FSD2: variants seen among roughly 807,000 people sequenced by gnomAD.
FSD2 encodes fibronectin type III and SPRY domain-containing protein 2.
In FSD2, 71 loss-of-function variants were observed where a neutral mutation model predicts 80.4. The observed-to-expected ratio is 0.88, with a 90% CI of 0.73 to 1.08. The LOEUF (loss-of-function observed/expected upper bound fraction) is 1.08. FSD2 is among the 50% of genes least tolerant of loss of function. FSD2 has a pLI of 0.00. For synonymous variants in FSD2, 361 were observed against 329.5 expected (o/e 1.10, Z -1.03); for missense variants, 923 against 913.8 (o/e 1.01, Z -0.13).
chr15:82,763,511 T>C (rs1002733083), intron 11 of FSD2, among the ~76,000 whole-genome samples: 6 of 152,322 alleles, frequency 3.9e-5, no homozygotes, highest in African/African-American at 1.4e-4. Context: ...ACTCTATAAA[T>C]ATGGCAATAT....
At chr15:82,782,574 C>A (rs146518160) in intron 4 of FSD2, among the ~76,000 whole-genome samples, 1 of 152,132 alleles carries the variant, frequency 6.6e-6, no homozygotes, top group East Asian at 1.9e-4. Context: ...GCTGTGAGTC[C>A]GCCTGGCCAC....
intron 1 of FSD2, among the ~76,000 whole-genome samples, chr15:82,797,847 T>G (rs2050315032): frequency 1.3e-5 from 2 of 151,956 alleles, no homozygotes; most frequent in African/African-American, 4.8e-5. Flanking sequence ...TTACCAAAAT[T>G]TGTAATATGT....
intron 3 of FSD2, among the ~76,000 whole-genome samples, chr15:82,784,257 T>TTA (rs1416382521): frequency 2.9e-5 from 4 of 137,844 alleles, no homozygotes; most frequent in African/African-American, 1.1e-4. Flanking sequence ...TTTATTTTAT[T>TTA]TTTTTTTTAT....
In FSD2 at chr15:82,759,567, AGTT is replaced by A; in HGVS notation, c.2028_2030del (p.Thr677del). On this transcript the variant is annotated inframe_deletion, in exon 13 of 13. Coordinates refer to ENST00000334574, the MANE Select transcript of FSD2 (RefSeq NM_001007122.4). ...GTGGAACTGTTATTCTTATATCTGG[AGTT>A]GTTCTGTTGTGCAGAAATTCATACT... The A allele has an allele frequency of 2.5e-6, 4 of 1,599,728 alleles. No homozygotes were observed. Among genetic ancestry groups the A allele is most frequent in the Non-Finnish European group, 3.4e-6 (4 of 1,172,106 alleles).
chr15:82,799,097 C>G (rs2050349747), intron 1 of FSD2, among the ~76,000 whole-genome samples: 2 of 152,104 alleles, frequency 1.3e-5, no homozygotes, highest in Non-Finnish European at 2.9e-5. Flanking sequence ...AGGCTGGTCT[C>G]AAACTCCTGC....
chr15:82,767,205 GA>G (rs1229979832), intron 9 of FSD2, among the ~76,000 whole-genome samples: 1 of 152,228 alleles, frequency 6.6e-6, no homozygotes, highest in African/African-American at 2.4e-5. Context: ...TCACTGGAAG[GA>G]ATGTAAGATG....
chr15:82,759,933 A>ACAGG (rs1442646690), intron 12 of FSD2, among the ~76,000 whole-genome samples: 2 of 151,692 alleles, frequency 1.3e-5, no homozygotes, highest in East Asian at 1.9e-4. Context: ...AGCTGGGATT[A>ACAGG]CAGGCGTGCA....
intron 4 of FSD2, among the ~76,000 whole-genome samples, chr15:82,780,880 A>C (rs2049840071): frequency 6.6e-6 from 1 of 152,134 alleles, no homozygotes; most frequent in Admixed American, 6.5e-5. Context: ...ATACCACAGT[A>C]CTGCTTTTCC....
At chr15:82,771,504 A>G (rs989174063) in intron 7 of FSD2, among the ~76,000 whole-genome samples, 3 of 152,228 alleles carry the variant, frequency 2.0e-5, no homozygotes, top group African/African-American at 7.2e-5. Flanking sequence ...CACACCAGCC[A>G]GTCCCATTTC....
chr15:82,784,408 C>T (rs1419211793), intron 3 of FSD2, among the ~76,000 whole-genome samples: 2 of 151,950 alleles, frequency 1.3e-5, no homozygotes, highest in East Asian at 1.9e-4. Context: ...CCAAGCCCAA[C>T]TAATTTTTTT....
At chr15:82,795,066 A>G (rs2050232958) in intron 1 of FSD2, among the ~76,000 whole-genome samples, 1 of 152,096 alleles carries the variant, frequency 6.6e-6, no homozygotes, top group Admixed American at 6.5e-5. Context: ...CTTTATCTCT[A>G]CTAACACTTT....
At chr15:82,803,556 G>A (rs1274248758) in intron 1 of FSD2, among the ~76,000 whole-genome samples, 1 of 152,020 alleles carries the variant, frequency 6.6e-6, no homozygotes, top group East Asian at 1.9e-4. Context: ...CCTGCTGAGA[G>A]CTCCCACTCT....
intron 6 of FSD2, 37 bp from the exon 7 acceptor site, chr15:82,772,265 A>C (rs1318289977): frequency 1.3e-6 from 2 of 1,568,292 alleles, no homozygotes; most frequent in Non-Finnish European, 1.7e-6. Flanking sequence ...GGAACCTCTA[A>C]TAGAGGTGTG....
chr15:82,770,968 CAA>C (rs1254867408), intron 7 of FSD2, among the ~76,000 whole-genome samples: 2 of 152,140 alleles, frequency 1.3e-5, no homozygotes, highest in Admixed American at 1.3e-4. Context: ...TGGGGTTAAT[CAA>C]GTCTGACTTC....
At chr15:82,793,237 A>G (rs1251717638) in intron 1 of FSD2, among the ~76,000 whole-genome samples, 1 of 151,816 alleles carries the variant, frequency 6.6e-6, no homozygotes, top group Non-Finnish European at 1.5e-5. Context: ...AAAATTAGGG[A>G]TTACAGGTAC....
chr15:82,774,711 T>C (rs1187723809), intron 6 of FSD2, among the ~76,000 whole-genome samples: 1 of 151,852 alleles, frequency 6.6e-6, no homozygotes, highest in Non-Finnish European at 1.5e-5. Context: ...AATACTTGTT[T>C]CTAAATCCTT....
At chr15:82,787,765 A>AATT (rs928067542) in intron 1 of FSD2, among the ~76,000 whole-genome samples, 16 of 151,528 alleles carry the variant, frequency 1.1e-4, no homozygotes, top group South Asian at 2.1e-4. Context: ...CATCTCAGGC[A>AATT]ATTATTATTA....
chr15:82,797,654 C>G (rs920949804), intron 1 of FSD2, among the ~76,000 whole-genome samples: 1 of 151,818 alleles, frequency 6.6e-6, no homozygotes, highest in Non-Finnish European at 1.5e-5. Context: ...ACTAAAAATA[C>G]AAAAAATTAG....
In FSD2 at chr15:82,765,218, C is replaced by G. The variant is rs779169537; in HGVS notation, c.1768G>C (p.Glu590Gln). 1.2e-5 allele frequency: 20 copies of G among 1,610,326 alleles called. No individual in the cohort carries two copies. The highest frequency in any genetic ancestry group is 1.5e-5 in the Non-Finnish European group (18 of 1,178,106). ...AGCTCCCTGGCGGGGGTTCTCCTTT[C>G]ACTTCGTACAGCCGTAAGTCCGTCT... ...SEDGLTAVRSERRTPARELSP... is the reference protein window; with the variant it reads ...SEDGLTAVRSQRRTPARELSP... Residue 590 changes from glutamate (E) to glutamine (Q), a missense_variant, in exon 11 of 13, where the codon GAA becomes CAA. Transcript: ENST00000334574.
Sources: allele counts gnomAD v4.1 joint callset (sites outside exome capture counted in the v4.1 genomes callset), GRCh38; gene constraint gnomAD v4.1.1; transcripts MANE v1.5; gene names NCBI Gene and HGNC (gene_info 2026-07-23, HGNC 2026-07-21).